Variants in HPSE2 observed in about 807,000 individuals in gnomAD.
HPSE2 encodes inactive heparanase-2.
Under a neutral mutation model 60.5 loss-of-function variants are expected in HPSE2, and 38 were observed. The observed-to-expected ratio is 0.63, with a 90% confidence interval of 0.48 to 0.82. The LOEUF is 0.82. Among genes scored for constraint, HPSE2 ranks in the 40% least tolerant of loss-of-function variants. The pLI is 0.00. For missense variants in HPSE2, 713 were observed against 740.4 expected, an observed-to-expected ratio of 0.96 and a Z score of 0.43; for synonymous variants, 295 against 293.2, an observed-to-expected ratio of 1.01 and a Z score of -0.06.
At chr10:98,852,159 G>GTT (rs1952196238) in intron 3 of HPSE2, among the ~76,000 whole-genome samples, 1 of 130,264 alleles carries the variant, frequency 7.7e-6, no homozygotes, top group Non-Finnish European at 1.6e-5. Context: ...GTGTGTGTGT[G>GTT]TGTGTGTATA....
At chr10:98,493,963 CT>C (rs1359054728) in intron 9 of HPSE2, among the ~76,000 whole-genome samples, 1 of 151,998 alleles carries the variant, frequency 6.6e-6, no homozygotes, top group African/African-American at 2.4e-5. Context: ...TAACTATTTT[CT>C]TTGTGGTTAC....
intron 2 of HPSE2, among the ~76,000 whole-genome samples, chr10:99,151,735 C>A (rs2862515): frequency 0.49 from 74,847 of 151,894 alleles, 20,912 homozygotes; most frequent in East Asian, 0.65. Flanking sequence ...AACAGCAAGA[C>A]TCTGTCTCTT....
chr10:98,765,033 A>C (rs1277384692), intron 3 of HPSE2, among the ~76,000 whole-genome samples: 1 of 152,198 alleles, frequency 6.6e-6, no homozygotes, highest in Non-Finnish European at 1.5e-5. Context: ...AAACATATGA[A>C]GCAAAAATTG....
intron 3 of HPSE2, among the ~76,000 whole-genome samples, chr10:98,969,753 C>T (rs1165657155): frequency 6.6e-6 from 1 of 152,080 alleles, no homozygotes; most frequent in Admixed American, 6.6e-5. Context: ...TCTTGCATTG[C>T]TATGAAGAAA....
chr10:98,748,992 G>T (rs375214229), intron 3 of HPSE2, among the ~76,000 whole-genome samples: 3 of 152,196 alleles, frequency 2.0e-5, no homozygotes, highest in African/African-American at 7.2e-5. Flanking sequence ...GATACATTCA[G>T]CTTACTTATT....
chr10:99,184,819 T>TATATATATATATATATAGAGAG (rs1554912295), intron 2 of HPSE2, among the ~76,000 whole-genome samples: 1 of 19,868 alleles, frequency 5.0e-5, no homozygotes, highest in Non-Finnish European at 9.9e-5. Flanking sequence ...TATATATATA[T>TATATATATATATATATAGAGAG]AGAGAGAGAG....
chr10:99,086,352 T>TTC (rs1843318030), intron 3 of HPSE2, among the ~76,000 whole-genome samples: 20 of 134,592 alleles, frequency 1.5e-4, no homozygotes, highest in Admixed American at 1.4e-3. Context: ...CTTTCTTTTT[T>TTC]TTTTTTTTTT....
chr10:99,075,439 G>A (rs1842924201), intron 3 of HPSE2, among the ~76,000 whole-genome samples: 1 of 152,046 alleles, frequency 6.6e-6, no homozygotes, highest in African/African-American at 2.4e-5. Flanking sequence ...CTTGATTTGT[G>A]GCTAAACATA....
At chr10:99,211,255 C>A (rs2133908862) in intron 2 of HPSE2, among the ~76,000 whole-genome samples, 1 of 152,124 alleles carries the variant, frequency 6.6e-6, no homozygotes, top group East Asian at 1.9e-4. Context: ...TTCATGGATT[C>A]AAAGAATAAA....
At chr10:98,951,774 T>C (rs1955363770) in intron 3 of HPSE2, among the ~76,000 whole-genome samples, 2 of 152,276 alleles carry the variant, frequency 1.3e-5, no homozygotes, top group Admixed American at 6.5e-5. Flanking sequence ...TTTCCAAGGA[T>C]AGTGCCCTTT....
intron 5 of HPSE2, among the ~76,000 whole-genome samples, chr10:98,716,156 A>T (rs892069553): frequency 1.3e-5 from 2 of 151,992 alleles, no homozygotes; most frequent in Non-Finnish European, 2.9e-5. Context: ...CTCATCATCC[A>T]TTCACATTCT....
At chr10:99,158,694 T>A (rs930491414) in intron 2 of HPSE2, among the ~76,000 whole-genome samples, 2 of 149,438 alleles carry the variant, frequency 1.3e-5, no homozygotes, top group Admixed American at 1.3e-4. Flanking sequence ...CATGTATACA[T>A]ATGTAACTAA....
intron 3 of HPSE2, among the ~76,000 whole-genome samples, chr10:98,965,326 G>C (rs1431862329): frequency 6.6e-6 from 1 of 151,932 alleles, no homozygotes; most frequent in Admixed American, 6.6e-5. Flanking sequence ...GAGATAAGGA[G>C]TTTAAATACT....
At chr10:99,215,896 A>T (rs1041663708) in intron 2 of HPSE2, among the ~76,000 whole-genome samples, 1 of 152,254 alleles carries the variant, frequency 6.6e-6, no homozygotes, top group African/African-American at 2.4e-5. Context: ...TGCATTGTAT[A>T]GGATGTGAAT....
intron 9 of HPSE2, among the ~76,000 whole-genome samples, chr10:98,530,482 A>G (rs1484966875): frequency 3.9e-5 from 6 of 152,140 alleles, no homozygotes; most frequent in South Asian, 2.1e-4. Context: ...TGTTACTTCA[A>G]TGGGTTAACT....
At chr10:98,957,998 A>C (rs1175765969) in intron 3 of HPSE2, among the ~76,000 whole-genome samples, 2 of 152,186 alleles carry the variant, frequency 1.3e-5, no homozygotes, top group African/African-American at 4.8e-5. Context: ...GAAAGGGAAC[A>C]GCTGGAGAGG....
intron 6 of HPSE2, among the ~76,000 whole-genome samples, chr10:98,662,168 C>T (rs1947242565): frequency 2.0e-5 from 3 of 152,148 alleles, no homozygotes; most frequent in African/African-American, 4.8e-5. Context: ...GCCAGGATTA[C>T]AGGCATGAGC....
chr10:99,211,598 C>G (rs1185799047), intron 2 of HPSE2, among the ~76,000 whole-genome samples: 1 of 152,056 alleles, frequency 6.6e-6, no homozygotes, highest in Non-Finnish European at 1.5e-5. Flanking sequence ...TTGCCAAGAA[C>G]AGGCAATAGG....
At chr10:98,708,590 T>C (rs1378982815) in intron 5 of HPSE2, among the ~76,000 whole-genome samples, 3 of 152,212 alleles carry the variant, frequency 2.0e-5, no homozygotes. Context: ...ATTAAGTATG[T>C]GCTCATGTAA....
Sources: allele counts gnomAD v4.1 joint callset (sites outside exome capture counted in the v4.1 genomes callset), GRCh38; gene constraint gnomAD v4.1.1; transcripts MANE v1.5; gene names NCBI Gene and HGNC (gene_info 2026-07-23, HGNC 2026-07-21).